ZSCAN5A: variants seen among roughly 807,000 people sequenced by gnomAD.
ZSCAN5A encodes the protein zinc finger and SCAN domain containing 5A.
Under a neutral mutation model 23.7 loss-of-function variants are expected in ZSCAN5A, and 12 were observed. The ratio of observed to expected loss-of-function variants is 0.51; its 90% CI spans 0.32 to 0.82. ZSCAN5A has a LOEUF of 0.82. ZSCAN5A is among the 40% of genes least tolerant of loss of function. ZSCAN5A has a pLI of 0.03. For synonymous variants in ZSCAN5A, 257 were observed against 239.9 expected (o/e 1.07, Z -0.66); for missense variants, 597 against 617.9 (o/e 0.97, Z 0.36).
chr19:56,221,453 T>C lies in ZSCAN5A; in HGVS notation c.*122A>G. The C allele has an allele frequency of 8.0e-7, 1 of 1,251,076 alleles. No homozygotes were observed. Among genetic ancestry groups the C allele is most frequent in the Non-Finnish European group, 1.1e-6 (1 of 905,346 alleles). 77.5% of individuals were successfully genotyped at this position (1,251,076 alleles called of 1,614,324 possible). On this transcript the variant is annotated 3_prime_UTR_variant, in exon 6 of 6. Coordinates refer to ENST00000683990, the MANE Select transcript of ZSCAN5A (RefSeq NM_001322064.3). ...TTTACTCAAACATCCTGGCAATTCA[T>C]ATCTAGGGCACTCCCTCTGTGTGTC...
rs1378885043 is a variant in ZSCAN5A, at chr19:56,302,562, CCCTTCCTTT to C, written c.-128+10712_-128+10720del. On this transcript the variant is annotated intron_variant, in intron 2 of 5. Transcript: ENST00000683990. The stretch of plus-strand genomic sequence containing the variant: ...TCCTCCCCGTTCCTCCCTCCCTCCC[CCCTTCCTTT>C]TCTTCCTCCCCCTTTTCTTCCTCTC... Among the ~76,000 whole-genome samples, 576 of 88,360 alleles carry C rather than the reference CCCTTCCTTT, an allele frequency of 6.5e-3. 4 individuals carry two copies. The highest frequency in any genetic ancestry group is 0.011 in the East Asian group (31 of 2,798). The allele number at this position is 88,360 out of a possible 152,430, so 58.0% of individuals were successfully genotyped here.
chr19:56,228,428 T>C, intron 2 of ZSCAN5A: 3 of 985,444 alleles, frequency 3.0e-6, no homozygotes, highest in Non-Finnish European at 3.6e-6. Context: ...TCGGCGTTGA[T>C]TATGGTTCCC....
At chr19:56,353,331 T>C (rs1424327720) in intron 2 of ZSCAN5A, among the ~76,000 whole-genome samples, 1 of 152,176 alleles carries the variant, frequency 6.6e-6, no homozygotes, top group Non-Finnish European at 1.5e-5. Context: ...AGCAAGTGCA[T>C]GTGTGCAGTG....
intron 2 of ZSCAN5A, chr19:56,319,872 C>A: frequency 1.2e-6 from 1 of 824,064 alleles, no homozygotes; most frequent in South Asian, 1.3e-5. Flanking sequence ...CTTCCAGACA[C>A]CCTTCCTTTT....
At position 56,352,091 on chromosome 19, in the gene ZSCAN5A, T is replaced by A. The variant is rs1338840036; in HGVS notation, c.-358+11144A>T. Among the ~76,000 whole-genome samples, 1 of 151,846 alleles carries A rather than the reference T, an allele frequency of 6.6e-6. No individual in the cohort carries two copies. Among genetic ancestry groups the A allele is most frequent in the Admixed American group, 6.6e-5 (1 of 15,226 alleles). ...GTATGCTTTGGTGGATAGTGTGGGG[T>A]TTTTTTGTTTGTTTGTTTCTTTGTT... On this transcript the variant is annotated intron_variant, in intron 2 of 6. Coordinates refer to the ZSCAN5A transcript ENST00000587340. This position sits in a 1 kb window ranked among gnomAD's most constrained non-coding sequence, Gnocchi z 4.2.
intron 2 of ZSCAN5A, among the ~76,000 whole-genome samples, chr19:56,251,472 C>A (rs1436860481): frequency 6.6e-6 from 1 of 152,182 alleles, no homozygotes; most frequent in African/African-American, 2.4e-5. Flanking sequence ...AAAAAACCCA[C>A]AGCAATTTGC....
intron 2 of ZSCAN5A, chr19:56,296,321 C>T (rs2039871399): frequency 6.6e-6 from 1 of 152,110 alleles, no homozygotes; most frequent in Non-Finnish European, 1.5e-5. Flanking sequence ...CGTTGTATGC[C>T]CCTGTCCTCC....
In ZSCAN5A at chr19:56,309,796, C is replaced by T. The variant is rs113832320; in HGVS notation, c.-128+3487G>A. Among the ~76,000 whole-genome samples the T allele has an allele frequency of 1.2e-4, 19 of 152,308 alleles. No individual in the cohort carries two copies. In the South Asian group the frequency reaches 3.9e-3, roughly 32 times the overall value. On this transcript the variant is annotated intron_variant, in intron 2 of 5. Coordinates refer to ENST00000683990, the MANE Select transcript of ZSCAN5A (RefSeq NM_001322064.3). ...GGCCCGGCGCCGGGACAGTGAGGAA[C>T]TGGAGGGGGCGCTGCTTCCCACTGG... is the stretch of plus-strand genomic sequence containing the variant.
At chr19:56,309,970 T>TGG (rs1339715378) in intron 2 of ZSCAN5A, among the ~76,000 whole-genome samples, 1 of 151,402 alleles carries the variant, frequency 6.6e-6, no homozygotes, top group Non-Finnish European at 1.5e-5. Flanking sequence ...ACCTAGTGAG[T>TGG]GGGGAGAATG....
intron 2 of ZSCAN5A, among the ~76,000 whole-genome samples, chr19:56,344,881 G>A (rs1417577877): frequency 3.0e-5 from 4 of 131,640 alleles, no homozygotes; most frequent in Non-Finnish European, 1.6e-5. Flanking sequence ...CCGCAGTCCG[G>A]CCTGGGCGAC....
Position 56,222,233 on chromosome 19 carries a change from T to C in ZSCAN5A, c.833A>G (p.Glu278Gly). 6.2e-7 allele frequency: 1 copy of C among 1,613,888 alleles called. No homozygotes were observed. Among genetic ancestry groups the C allele is most frequent in the Non-Finnish European group, 8.5e-7 (1 of 1,179,868 alleles). ...DADTPSACVV[E>G]REASTHSGNR... ...CCCGCTGTGAGTCGAAGCTTCTCTCTCCACAACGCAGGCAGAAGGTGTGTC... is the reference window on the plus strand; with the variant it reads ...CCCGCTGTGAGTCGAAGCTTCTCTCCCCACAACGCAGGCAGAAGGTGTGTC... The change falls in exon 6 of 6, where the codon GAG becomes GGG. Residue 278 changes from glutamate to glycine, a missense_variant. Physicochemically the swap from Glu to Gly is moderately conservative, Grantham distance 98. This residue lies in a region of ZSCAN5A where 406 missense variants were observed against 353.2 expected (regional missense o/e 1.15). Coordinates refer to ENST00000683990, the MANE Select transcript of ZSCAN5A (RefSeq NM_001322064.3).
chr19:56,274,933 C>A (rs1308997915), intron 2 of ZSCAN5A: 1 of 152,170 alleles, frequency 6.6e-6, no homozygotes, highest in Admixed American at 6.5e-5. Flanking sequence ...GAGCTCTGAT[C>A]AGTTGTTTTG....
chr19:56,272,113 A>G (rs1302037267), intron 2 of ZSCAN5A, among the ~76,000 whole-genome samples: 1 of 152,248 alleles, frequency 6.6e-6, no homozygotes, highest in African/African-American at 2.4e-5. Flanking sequence ...CTCAGGGTAC[A>G]TAGCTAGTAA....
rs149805118 is a variant in ZSCAN5A at position 56,304,199 on chromosome 19, T to C, written c.-128+9084A>G. Among the ~76,000 whole-genome samples, 963 of 152,310 alleles carry C rather than the reference T, an allele frequency of 6.3e-3. 7 individuals carry two copies. The highest frequency in any genetic ancestry group is 8.4e-3 in the Admixed American group (128 of 15,298). The stretch of plus-strand genomic sequence containing the variant: ...GCCCGACCAGCCAGCGCAGGGGACC[T>C]GGCGGTGCTCATGGAGATGAGAGCC... On this transcript the variant is annotated intron_variant, in intron 2 of 5. Coordinates refer to ENST00000683990, the MANE Select transcript of ZSCAN5A (RefSeq NM_001322064.3).
intron 2 of ZSCAN5A, among the ~76,000 whole-genome samples, chr19:56,356,158 T>C (rs535815834): frequency 6.7e-6 from 1 of 148,508 alleles, no homozygotes; most frequent in East Asian, 1.9e-4. Context: ...AACTGTCTTG[T>C]AGCGGGACAA....
intron 2 of ZSCAN5A, among the ~76,000 whole-genome samples, chr19:56,360,553 C>T (rs949523087): frequency 1.1e-4 from 16 of 151,976 alleles, no homozygotes; most frequent in African/African-American, 3.6e-4. Context: ...ATCTGATCTT[C>T]AACAAACCTG....
chr19:56,252,828 G>C (rs1470401559), intron 2 of ZSCAN5A, among the ~76,000 whole-genome samples: 6 of 152,242 alleles, frequency 3.9e-5, no homozygotes, highest in Admixed American at 3.9e-4. Context: ...CTGGTGGCTG[G>C]AGTATGGAGA....
intron 2 of ZSCAN5A, among the ~76,000 whole-genome samples, chr19:56,299,236 A>T (rs1049069886): frequency 2.0e-5 from 3 of 151,898 alleles, no homozygotes; most frequent in Non-Finnish European, 2.9e-5. Flanking sequence ...GGCTCAAGTG[A>T]TCCTCCCCTC....
At chr19:56,284,673 TCTGC>T (rs2147096317) in intron 2 of ZSCAN5A, among the ~76,000 whole-genome samples, 1 of 151,906 alleles carries the variant, frequency 6.6e-6, no homozygotes, top group East Asian at 1.9e-4. Flanking sequence ...CACCACCATG[TCTGC>T]CTAATTTTTG....
Sources: gnomAD v4.1 joint callset for allele counts (sites outside exome capture counted in the v4.1 genomes callset) on GRCh38, gnomAD v4.1.1 for gene constraint, gnomAD v4.1.1 regional missense constraint, Gnocchi (gnomAD v3.1) non-coding constraint, MANE v1.5 for transcripts, NCBI Gene and HGNC (gene_info 2026-07-23, HGNC 2026-07-21) for gene names.